Variants in MELTF observed in about 807,000 individuals in gnomAD.
MELTF encodes antigen p97 (melanoma associated) identified by monoclonal antibodies 133.2 and 96.5.
Under a neutral mutation model 83.7 loss-of-function variants are expected in MELTF, and 67 were observed. That is an observed-to-expected ratio of 0.80 (90% CI 0.66 to 0.98). The LOEUF is 0.98. Ranked by LOEUF, MELTF falls within the 50% of genes least tolerant of loss-of-function variation. The pLI is 0.00. For missense variants in MELTF, 1,002 were observed against 1,035.6 expected, an observed-to-expected ratio of 0.97 and a Z score of 0.44; for synonymous variants, 462 against 447.6, an observed-to-expected ratio of 1.03 and a Z score of -0.41.
chr3:197,021,817 C>T (rs1719634610), intron 5 of MELTF, among the ~76,000 whole-genome samples: 2 of 152,126 alleles, frequency 1.3e-5, no homozygotes, highest in Admixed American at 6.5e-5. Flanking sequence ...TATCAGCAGC[C>T]TTGACTCTCA....
Position 197,015,503 on chromosome 3 carries a change from G to A in MELTF, c.1095C>T (p.Tyr365=), listed in dbSNP as rs1246938211. The change falls in exon 9 of 16, where the codon TAC becomes TAT. Residue 365 remains tyrosine, a synonymous_variant. Transcript: ENST00000296350. ...LLCDPNRLPP[Y]LRWCVLSTPE... ...GAGTGGAGAGCACACACCAGCGCAG[G>A]TAGGGGGGCAGCCCTGGGGTGGGGC... The A allele has an allele frequency of 1.1e-5, 17 of 1,611,140 alleles. No individual in the cohort carries two copies. The highest frequency in any genetic ancestry group is 1.4e-5 in the Non-Finnish European group (17 of 1,178,928).
intron 6 of MELTF, chr3:197,019,480 G>T: frequency 6.8e-7 from 1 of 1,473,066 alleles, no homozygotes. Flanking sequence ...GTGCACGCCT[G>T]TCATCCCAGC....
Position 197,024,029 on chromosome 3 carries a change from G to A in MELTF, c.487+274C>T. 1.6e-6 allele frequency: 1 copy of A among 638,092 alleles called. No individual in the cohort carries two copies. Among genetic ancestry groups the A allele is most frequent in the Non-Finnish European group, 2.9e-6 (1 of 343,512 alleles). 39.5% of individuals were successfully genotyped at this position (638,092 alleles called of 1,614,324 possible). A position where few individuals can be genotyped will look rare whatever the true frequency, so the allele number is the denominator to read the frequency against. On this transcript the variant is annotated intron_variant, in intron 4 of 15. Coordinates refer to ENST00000296350, the MANE Select transcript of MELTF (RefSeq NM_005929.6). The surrounding 1 kb of genome is among the most constrained non-coding windows in gnomAD (Gnocchi z 5.3). ...GGGAGATTCACTGCTTCCCACTCATGGGCTGGGCCTGTGCCTGGCTGTGCC... is the reference window on the plus strand; with the variant it reads ...GGGAGATTCACTGCTTCCCACTCATAGGCTGGGCCTGTGCCTGGCTGTGCC...
chr3:197,017,302 G>A lies in MELTF; in HGVS notation c.713-12C>T, dbSNP rs1163256522. The A allele has an allele frequency of 2.0e-6, 3 of 1,524,468 alleles. No individual in the cohort carries two copies. Among genetic ancestry groups the A allele is most frequent in the Admixed American group, 2.1e-5 (1 of 48,034 alleles). The allele number at this position is 1,524,468 out of a possible 1,614,324, so 94.4% of individuals were successfully genotyped here. A position where few individuals can be genotyped will look rare whatever the true frequency, so the allele number is the denominator to read the frequency against. On this transcript the variant is annotated splice_polypyrimidine_tract_variant and intron_variant, in intron 6 of 15. Coordinates refer to ENST00000296350, the MANE Select transcript of MELTF (RefSeq NM_005929.6). ...GGGAAGCGTCTTCCCTGGGAAGCAG[G>A]AAGCCTGGGCTGAGCCAGCTCCGAA...
At position 197,029,727 on chromosome 3, in the gene MELTF, CGGGCTGGGGCT is replaced by C; in HGVS notation, c.-36_-26del. 2 of 1,231,622 alleles carry C rather than the reference CGGGCTGGGGCT, an allele frequency of 1.6e-6. No individual in the cohort carries two copies. Among genetic ancestry groups the C allele is most frequent in the Non-Finnish European group, 2.0e-6 (2 of 987,290 alleles). 76.3% of individuals were successfully genotyped at this position (1,231,622 alleles called of 1,614,324 possible). A position where few individuals can be genotyped will look rare whatever the true frequency, so the allele number is the denominator to read the frequency against. On this transcript the variant is annotated 5_prime_UTR_variant, in exon 1 of 16. Transcript: ENST00000296350. This position sits in a 1 kb window ranked among gnomAD's most constrained non-coding sequence, Gnocchi z 6.5. ...TGGCGCCGTCGGGGCTGGCTGGGGC[CGGGCTGGGGCT>C]GGGTCCGGGTCCGAGGAGGTCCGCA...
intron 6 of MELTF, chr3:197,019,935 G>A (rs1719554235): frequency 1.5e-6 from 2 of 1,305,448 alleles, no homozygotes; most frequent in Admixed American, 5.8e-5. Flanking sequence ...GCAGGTGCGG[G>A]GAGATAACTA....
chr3:197,019,055 A>G, intron 6 of MELTF: 1 of 985,496 alleles, frequency 1.0e-6, no homozygotes, highest in Non-Finnish European at 1.2e-6. Context: ...GAAAGCTTTC[A>G]CTGCAAAGCT....
In MELTF at chr3:197,006,958, G is replaced by A. The variant is rs1719004734; in HGVS notation, c.1751-222C>T. 6.6e-6 allele frequency among the ~76,000 whole-genome samples: 1 copy of A among 152,194 alleles called. No homozygotes were observed. The highest frequency in any genetic ancestry group is 6.5e-5 in the Admixed American group (1 of 15,284). On this transcript the variant is annotated intron_variant, in intron 13 of 15. Coordinates refer to ENST00000296350, the MANE Select transcript of MELTF (RefSeq NM_005929.6). This position sits in a 1 kb window ranked among gnomAD's most constrained non-coding sequence, Gnocchi z 5.4. ...GCAGGAGCTGCCATTAATTAGCAGGGAGTAGGGAGTACCTACTATGTGACA... is the reference window on the plus strand; with the variant it reads ...GCAGGAGCTGCCATTAATTAGCAGGAAGTAGGGAGTACCTACTATGTGACA...
intron 5 of MELTF, 117 bp from the exon 6 acceptor site, chr3:197,021,588 T>C: frequency 2.2e-6 from 2 of 908,062 alleles, no homozygotes; most frequent in Non-Finnish European, 3.4e-6. Flanking sequence ...GGCTTTCCAG[T>C]TGTGTGGTCT....
At position 197,028,108 on chromosome 3, in the gene MELTF, G is replaced by A. The variant is rs1215822360; in HGVS notation, c.50-198C>T. On this transcript the variant is annotated intron_variant, in intron 1 of 15. Transcript: ENST00000296350. ...GTATTCCTGTGCTCAGGGCCTCTCTGACCAGGAGCACGGCTGCTGGCAAAT... is the reference window on the plus strand; with the variant it reads ...GTATTCCTGTGCTCAGGGCCTCTCTAACCAGGAGCACGGCTGCTGGCAAAT... 1.2e-5 allele frequency: 7 copies of A among 600,760 alleles called. No homozygotes were observed. In the East Asian group the frequency reaches 2.0e-4, roughly 17 times the overall value. The allele number at this position is 600,760 out of a possible 1,614,324, so 37.2% of individuals were successfully genotyped here.
chr3:197,017,580 G>A (rs1272443187), intron 6 of MELTF, among the ~76,000 whole-genome samples: 1 of 152,036 alleles, frequency 6.6e-6, no homozygotes, highest in Non-Finnish European at 1.5e-5. Context: ...AAAAAAGTAA[G>A]AAAATAAGAA....
At chr3:197,020,588 T>G (rs1232461090) in intron 6 of MELTF, among the ~76,000 whole-genome samples, 1 of 152,180 alleles carries the variant, frequency 6.6e-6, no homozygotes, top group African/African-American at 2.4e-5. Flanking sequence ...TCTTGTAAGT[T>G]TTCCAAAGCT....
chr3:197,012,722 G>A (rs1044661305), intron 9 of MELTF, among the ~76,000 whole-genome samples: 2 of 152,276 alleles, frequency 1.3e-5, no homozygotes, highest in Admixed American at 1.3e-4. Flanking sequence ...CTCTGCATCT[G>A]GCGTTAGTCT....
chr3:197,002,222 C>T lies in MELTF; in HGVS notation c.*1150G>A, dbSNP rs1718759955. On this transcript the variant is annotated 3_prime_UTR_variant, in exon 16 of 16. Coordinates refer to ENST00000296350, the MANE Select transcript of MELTF (RefSeq NM_005929.6). ...CGGGAACCGGGCCTGTCACCAGCAT[C>T]CCCGAGCCCCCGCAGACCGGAATGC... 1 of 152,260 alleles carries T rather than the reference C, an allele frequency of 6.6e-6. No individual in the cohort carries two copies. The highest frequency in any genetic ancestry group is 2.1e-4 in the South Asian group (1 of 4,836). The allele number at this position is 152,260 out of a possible 1,614,324, so 9.4% of individuals were successfully genotyped here. A position where few individuals can be genotyped will look rare whatever the true frequency, so the allele number is the denominator to read the frequency against.
intron 10 of MELTF, 41 bp from the exon 11 acceptor site, chr3:197,009,853 G>C (rs1183937304): frequency 1.9e-6 from 3 of 1,581,084 alleles, no homozygotes; most frequent in East Asian, 2.3e-5. Context: ...CCTCATCTGA[G>C]AGCCCGGGCA....
rs149352003 is a variant in MELTF at position 197,019,790 on chromosome 3, G to A, written c.712+1614C>T. ...TCAGATCTGGTCCATGTTTGCCTTC[G>A]TGATGGACTTTCTGATTTAAAAGGC... is the stretch of plus-strand genomic sequence containing the variant. On this transcript the variant is annotated intron_variant, in intron 6 of 15. Coordinates refer to ENST00000296350, the MANE Select transcript of MELTF (RefSeq NM_005929.6). 62 of 1,574,080 alleles carry A rather than the reference G, an allele frequency of 3.9e-5. No individual in the cohort carries two copies. In the African/African-American group the frequency reaches 5.7e-4, roughly 14 times the overall value.
At chr3:197,019,088 C>A (rs73208237) in intron 6 of MELTF, 225,275 of 985,244 alleles carry the variant, frequency 0.23, 26,418 homozygotes, top group Admixed American at 0.31. Flanking sequence ...AACCAAACAC[C>A]CGCACCAGAG....
chr3:197,003,810 C>T lies in MELTF; in HGVS notation c.2137+91G>A. ...TGCGAACGGGCCTCCACCCGCCTCC[C>T]CGGACCCGCAGCGCCCCCCGCTCCC... On this transcript the variant is annotated intron_variant, in intron 15 of 15. Transcript: ENST00000296350. This position sits in a 1 kb window ranked among gnomAD's most constrained non-coding sequence, Gnocchi z 6.2. 4 of 1,421,414 alleles carry T rather than the reference C, an allele frequency of 2.8e-6. No homozygotes were observed. The highest frequency in any genetic ancestry group is 1.3e-5 in the South Asian group (1 of 78,296). 88.1% of individuals were successfully genotyped at this position (1,421,414 alleles called of 1,614,324 possible).
chr3:197,026,533 G>A (rs1219071984), intron 3 of MELTF, 127 bp downstream of exon 3: 7 of 781,184 alleles, frequency 9.0e-6, no homozygotes, highest in Middle Eastern at 2.3e-4. Flanking sequence ...GCGTTCTTCT[G>A]GCTGGGACTC....
Sources: gnomAD v4.1 joint callset for allele counts (sites outside exome capture counted in the v4.1 genomes callset) on GRCh38, gnomAD v4.1.1 for gene constraint, Gnocchi (gnomAD v3.1) non-coding constraint, MANE v1.5 for transcripts, NCBI Gene and HGNC (gene_info 2026-07-23, HGNC 2026-07-21) for gene names.